Variants in SLC24A2 observed in about 807,000 individuals in gnomAD.
SLC24A2 encodes sodium/potassium/calcium exchanger 2.
SLC24A2 carries 36 observed loss-of-function variants against 62.0 expected under a neutral mutation model. That is an observed-to-expected ratio of 0.58 (90% CI 0.44 to 0.77). The LOEUF (loss-of-function observed/expected upper bound fraction) is 0.77, where lower values mean the gene tolerates loss of function less well. Ranked by LOEUF, SLC24A2 falls within the 30% of genes least tolerant of loss-of-function variation. The pLI, the probability that SLC24A2 is intolerant of heterozygous loss-of-function variation, is 0.00. For synonymous variants in SLC24A2, 358 were observed against 294.0 expected (o/e 1.22, Z -2.23); for missense variants, 846 against 817.9 (o/e 1.03, Z -0.42).
chr9:19,707,234 T>A (rs1393393427), intron 2 of SLC24A2, among the ~76,000 whole-genome samples: 1 of 151,994 alleles, frequency 6.6e-6, no homozygotes, highest in Non-Finnish European at 1.5e-5. Context: ...AATAGACCAA[T>A]AACAGGCTCT....
At chr9:19,923,452 T>A in the SLC24A2 span, among the ~76,000 whole-genome samples, 5 of 152,180 alleles carry the variant, frequency 3.3e-5, no homozygotes, top group African/African-American at 1.2e-4. Context: ...CAGCCACCCC[T>A]GCGCCCTGGG....
intron 4 of SLC24A2, 50 bp from the exon 5 acceptor site, chr9:19,597,329 A>C (rs991885616): frequency 1.6e-6 from 2 of 1,220,258 alleles, no homozygotes; most frequent in Non-Finnish European, 2.4e-6. Context: ...GCTATAATGC[A>C]AGAACTTTGT....
intron 2 of SLC24A2, among the ~76,000 whole-genome samples, chr9:19,720,698 C>A (rs1238680547): frequency 2.4e-5 from 2 of 83,906 alleles, no homozygotes; most frequent in African/African-American, 7.2e-5. Flanking sequence ...AACCCCCCCC[C>A]CCAAAAAAAA....
At chr9:19,869,218 C>T in the SLC24A2 span, among the ~76,000 whole-genome samples, 1 of 152,144 alleles carries the variant, frequency 6.6e-6, no homozygotes, top group Admixed American at 6.5e-5. Context: ...TAGGCTCAAG[C>T]AGTTCTCCTG....
At chr9:20,219,982 T>TGAG in the SLC24A2 span, among the ~76,000 whole-genome samples, 1 of 152,194 alleles carries the variant, frequency 6.6e-6, no homozygotes, top group East Asian at 1.9e-4. Context: ...AAATATCTAA[T>TGAG]GAGGTGGCTT....
intron 2 of SLC24A2, among the ~76,000 whole-genome samples, chr9:19,718,636 C>T (rs779719209): frequency 1.7e-4 from 26 of 152,072 alleles, no homozygotes; most frequent in Non-Finnish European, 3.2e-4. Flanking sequence ...TAGCATCACA[C>T]GTTACTTTGA....
the SLC24A2 span, among the ~76,000 whole-genome samples, chr9:20,102,845 G>A: frequency 1.7e-3 from 265 of 152,220 alleles, no homozygotes; most frequent in Admixed American, 1.2e-3. Context: ...GACAGTGGGC[G>A]CAGGACAGTA....
chr9:20,090,395 G>A, the SLC24A2 span, among the ~76,000 whole-genome samples: 5 of 152,160 alleles, frequency 3.3e-5, no homozygotes, highest in Admixed American at 1.3e-4. Flanking sequence ...GTGCCAAGTT[G>A]CGATCTACAG....
the SLC24A2 span, among the ~76,000 whole-genome samples, chr9:20,054,058 G>A: frequency 6.6e-6 from 1 of 152,142 alleles, no homozygotes; most frequent in Non-Finnish European, 1.5e-5. Context: ...AGTTTGATAG[G>A]GGTCTTTATT....
intron 2 of SLC24A2, among the ~76,000 whole-genome samples, chr9:19,770,742 C>A: frequency 6.6e-6 from 1 of 152,120 alleles, no homozygotes. Flanking sequence ...TAACATTGAC[C>A]ATTCAGTGAG....
chr9:20,043,179 G>A, the SLC24A2 span, among the ~76,000 whole-genome samples: 1 of 152,302 alleles, frequency 6.6e-6, no homozygotes, highest in East Asian at 1.9e-4. Flanking sequence ...TCTTGCACCA[G>A]TTAGCAAAGG....
the SLC24A2 span, among the ~76,000 whole-genome samples, chr9:20,264,822 C>A: frequency 2.0e-5 from 3 of 152,204 alleles, no homozygotes; most frequent in South Asian, 6.2e-4. Flanking sequence ...TAAAAAACAA[C>A]ATGCCTGTAA....
At chr9:19,772,347 T>C (rs550217590) in intron 2 of SLC24A2, among the ~76,000 whole-genome samples, 1 of 152,176 alleles carries the variant, frequency 6.6e-6, no homozygotes, top group African/African-American at 2.4e-5. Flanking sequence ...TCACTCTAGA[T>C]AAAAATGTGC....
intron 8 of SLC24A2, among the ~76,000 whole-genome samples, chr9:19,534,251 A>C (rs2132681605): frequency 6.6e-6 from 1 of 152,314 alleles, no homozygotes; most frequent in South Asian, 2.1e-4. Context: ...TTCTCTCACT[A>C]ATACAGCTGT....
the SLC24A2 span, among the ~76,000 whole-genome samples, chr9:19,828,354 A>G: frequency 1.3e-3 from 193 of 152,326 alleles, no homozygotes; most frequent in African/African-American, 4.5e-3. Flanking sequence ...TTCTGATTTG[A>G]TGGTTACACA....
chr9:19,902,549 C>T, the SLC24A2 span, among the ~76,000 whole-genome samples: 10 of 152,086 alleles, frequency 6.6e-5, no homozygotes, highest in Non-Finnish European at 1.5e-4. Flanking sequence ...AACCGAAGCA[C>T]CAGTAAGCAG....
the SLC24A2 span, among the ~76,000 whole-genome samples, chr9:20,304,804 G>T: frequency 2.5e-4 from 38 of 152,226 alleles, no homozygotes; most frequent in East Asian, 7.0e-3. Context: ...CAAGTAACTT[G>T]CCTAAAGTCT....
the SLC24A2 span, among the ~76,000 whole-genome samples, chr9:20,165,523 TG>T: frequency 2.6e-5 from 4 of 151,814 alleles, no homozygotes; most frequent in African/African-American, 9.7e-5. Flanking sequence ...TGTAATAAAG[TG>T]GTATCTCAAA....
the SLC24A2 span, among the ~76,000 whole-genome samples, chr9:19,810,928 G>A: frequency 2.0e-5 from 3 of 152,092 alleles, no homozygotes; most frequent in Admixed American, 1.3e-4. Flanking sequence ...TACTGGGAAC[G>A]TTTCTAACTG....
Sources: gnomAD v4.1 joint callset for allele counts (sites outside exome capture counted in the v4.1 genomes callset) on GRCh38, gnomAD v4.1.1 for gene constraint, MANE v1.5 for transcripts, NCBI Gene and HGNC (gene_info 2026-07-23, HGNC 2026-07-21) for gene names.